Variants in PCDH15 observed in about 807,000 individuals in gnomAD.
PCDH15 encodes protocadherin related 15, also known as protocadherin-15.
A neutral mutation model predicts 178.5 loss-of-function variants in PCDH15; 129 were observed. That is an observed-to-expected ratio of 0.72 (90% CI 0.63 to 0.84). The LOEUF (loss-of-function observed/expected upper bound fraction) is 0.84. Ranked by LOEUF, PCDH15 falls within the 40% of genes least tolerant of loss-of-function variation. The pLI is 0.00. For synonymous variants in PCDH15, 800 were observed against 732.0 expected (o/e 1.09, Z -1.50); for missense variants, 2,230 against 2,099.9 (o/e 1.06, Z -1.21).
intron 3 of PCDH15, among the ~76,000 whole-genome samples, chr10:54,489,344 A>G (rs531711000): frequency 3.3e-5 from 5 of 150,332 alleles, no homozygotes; most frequent in South Asian, 2.1e-4. Flanking sequence ...TGTGCCTTTT[A>G]TACCTAATAC....
chr10:55,341,662 C>T (rs549211946), intron 2 of PCDH15, among the ~76,000 whole-genome samples: 47 of 148,140 alleles, frequency 3.2e-4, no homozygotes, highest in Middle Eastern at 7.0e-3. Context: ...CACCCGCTCC[C>T]GGGTTCAAGT....
intron 1 of PCDH15, among the ~76,000 whole-genome samples, chr10:55,246,235 G>C (rs948422601): frequency 6.6e-6 from 1 of 152,058 alleles, no homozygotes; most frequent in Non-Finnish European, 1.5e-5. Context: ...AGATTTTTTT[G>C]CATGTAGTTT....
chr10:55,442,479 T>C (rs1383583855), intron 2 of PCDH15, among the ~76,000 whole-genome samples: 1 of 57,984 alleles, frequency 1.7e-5, no homozygotes, highest in Non-Finnish European at 2.9e-5. Flanking sequence ...ATTATATATA[T>C]ATTATATATA....
chr10:53,937,544 G>A (rs1264243265), intron 25 of PCDH15, among the ~76,000 whole-genome samples: 1 of 152,120 alleles, frequency 6.6e-6, no homozygotes, highest in Non-Finnish European at 1.5e-5. Flanking sequence ...TTAATTATGT[G>A]AGTGATGCAT....
intron 2 of PCDH15, among the ~76,000 whole-genome samples, chr10:55,025,430 T>C (rs1305244456): frequency 3.3e-5 from 5 of 152,116 alleles, no homozygotes; most frequent in Non-Finnish European, 5.9e-5. Flanking sequence ...GAAAACTGCA[T>C]AGTTTTTGTT....
chr10:54,529,230 A>G (rs868628409), intron 2 of PCDH15, among the ~76,000 whole-genome samples: 5 of 152,146 alleles, frequency 3.3e-5, no homozygotes, highest in South Asian at 4.2e-4. Flanking sequence ...ACACTTGTCA[A>G]TATTGAAGGA....
chr10:55,598,518 ATATATATATATATAT>A (rs1252779579), intron 2 of PCDH15, among the ~76,000 whole-genome samples: 1 of 5,872 alleles, frequency 1.7e-4, no homozygotes, highest in Non-Finnish European at 2.8e-4. Flanking sequence ...ACCCTAATAT[ATATATATATATATAT>A]ATATATATAT....
intron 3 of PCDH15, among the ~76,000 whole-genome samples, chr10:54,871,895 C>T (rs1296629821): frequency 2.0e-5 from 3 of 152,020 alleles, no homozygotes; most frequent in Non-Finnish European, 4.4e-5. Context: ...TATAAATAAA[C>T]TACTGTGAGT....
chr10:55,336,225 C>T (rs1176521526), intron 2 of PCDH15, among the ~76,000 whole-genome samples: 1 of 150,326 alleles, frequency 6.7e-6, no homozygotes, highest in African/African-American at 2.4e-5. Flanking sequence ...CTGGGCCGGG[C>T]GCAGTGGCTC....
chr10:55,573,335 T>C (rs1231853191), intron 2 of PCDH15, among the ~76,000 whole-genome samples: 1 of 152,114 alleles, frequency 6.6e-6, no homozygotes, highest in African/African-American at 2.4e-5. Context: ...TAGTCCCTTA[T>C]ATTCCAGCAG....
At chr10:54,485,919 G>A (rs1332999033) in intron 3 of PCDH15, among the ~76,000 whole-genome samples, 2 of 152,010 alleles carry the variant, frequency 1.3e-5, no homozygotes, top group Non-Finnish European at 2.9e-5. Flanking sequence ...TTGGGGCAAA[G>A]ACAAAGCCAT....
chr10:54,168,132 C>A (rs1396231565), intron 13 of PCDH15, among the ~76,000 whole-genome samples: 30 of 152,152 alleles, frequency 2.0e-4, no homozygotes, highest in South Asian at 1.7e-3. Flanking sequence ...TGCAATGCCG[C>A]TTGACCCCAA....
intron 28 of PCDH15, among the ~76,000 whole-genome samples, chr10:53,842,044 AT>A (rs1239124471): frequency 6.6e-6 from 1 of 151,558 alleles, no homozygotes; most frequent in African/African-American, 2.4e-5. Flanking sequence ...TGTTTTTCAG[AT>A]TTTTTTTCCT....
chr10:54,128,171 C>A (rs181167679), intron 15 of PCDH15, among the ~76,000 whole-genome samples: 12 of 152,220 alleles, frequency 7.9e-5, no homozygotes, highest in Admixed American at 3.3e-4. Context: ...GGCTCAATAT[C>A]AAGCAACAAT....
chr10:54,291,807 T>G (rs2059429043), intron 8 of PCDH15, among the ~76,000 whole-genome samples: 1 of 152,030 alleles, frequency 6.6e-6, no homozygotes, highest in African/African-American at 2.4e-5. Flanking sequence ...AATAACAGGA[T>G]CTGAAATTGA....
intron 26 of PCDH15, among the ~76,000 whole-genome samples, chr10:53,869,563 C>T (rs1564646232): frequency 6.6e-6 from 1 of 152,036 alleles, no homozygotes; most frequent in Admixed American, 6.6e-5. Flanking sequence ...GAATAACAAA[C>T]ATGCAAAAAG....
At chr10:53,841,437 AC>A (rs1407248893) in intron 28 of PCDH15, among the ~76,000 whole-genome samples, 1 of 152,184 alleles carries the variant, frequency 6.6e-6, no homozygotes, top group Non-Finnish European at 1.5e-5. Flanking sequence ...TCAGAAAATA[AC>A]TTTTGCTTCT....
At chr10:54,618,821 C>G (rs1439794293) in intron 2 of PCDH15, among the ~76,000 whole-genome samples, 1 of 151,606 alleles carries the variant, frequency 6.6e-6, no homozygotes, top group East Asian at 1.9e-4. Flanking sequence ...AATAAGCTCA[C>G]CATAGAGCAA....
intron 1 of PCDH15, among the ~76,000 whole-genome samples, chr10:54,752,521 C>CAAAAAAAAAA (rs1229369057): frequency 5.1e-5 from 3 of 58,894 alleles, no homozygotes; most frequent in South Asian, 9.4e-4. Context: ...AACAAACAAA[C>CAAAAAAAAAA]AAACAAACAA....
Sources: allele counts gnomAD v4.1 joint callset (sites outside exome capture counted in the v4.1 genomes callset), GRCh38; gene constraint gnomAD v4.1.1; transcripts MANE v1.5; gene names NCBI Gene and HGNC (gene_info 2026-07-23, HGNC 2026-07-21).